NYAP2: variants seen among roughly 807,000 people sequenced by gnomAD.
The protein encoded by NYAP2 is neuronal tyrosine-phosphorylated phosphoinositide-3-kinase adapter 2.
NYAP2 carries 23 observed loss-of-function variants against 50.4 expected under a neutral mutation model. That is an observed-to-expected ratio of 0.46 (90% CI 0.33 to 0.65). The LOEUF is 0.65. Ranked by LOEUF, NYAP2 falls within the 30% of genes least tolerant of loss-of-function variation. The pLI, the probability that NYAP2 is intolerant of heterozygous loss-of-function variation, is 0.02. For synonymous variants in NYAP2, 394 were observed against 365.2 expected (o/e 1.08, Z -0.90); for missense variants, 885 against 861.0 (o/e 1.03, Z -0.35).
At chr2:225,537,326 G>T (rs1691369382) in intron 4 of NYAP2, among the ~76,000 whole-genome samples, 2 of 151,748 alleles carry the variant, frequency 1.3e-5, no homozygotes, top group Non-Finnish European at 2.9e-5. Context: ...TTTTATGTCT[G>T]TGTATTAGTC....
chr2:225,687,273 T>C, the NYAP2 span, among the ~76,000 whole-genome samples: 6 of 152,176 alleles, frequency 3.9e-5, no homozygotes, highest in African/African-American at 1.2e-4. Flanking sequence ...CCAGGGCTCA[T>C]AGAGTGCCTG....
chr2:225,460,393 T>C (rs1689810456), intron 3 of NYAP2, among the ~76,000 whole-genome samples: 1 of 152,228 alleles, frequency 6.6e-6, no homozygotes, highest in Non-Finnish European at 1.5e-5. Flanking sequence ...ATTTGTCAGA[T>C]TTCATTAGAA....
intron 4 of NYAP2, among the ~76,000 whole-genome samples, chr2:225,550,194 C>A (rs185887813): frequency 2.6e-5 from 4 of 152,152 alleles, no homozygotes; most frequent in African/African-American, 9.7e-5. Flanking sequence ...AAACATTTCT[C>A]ATCAGTAAAT....
chr2:225,541,933 T>G (rs1339670020), intron 4 of NYAP2, among the ~76,000 whole-genome samples: 1 of 152,182 alleles, frequency 6.6e-6, no homozygotes, highest in Non-Finnish European at 1.5e-5. Flanking sequence ...TGGAATATTT[T>G]TCAATTTTTG....
chr2:225,647,110 A>T (rs1377164511), intron 6 of NYAP2, among the ~76,000 whole-genome samples: 1 of 152,128 alleles, frequency 6.6e-6, no homozygotes, highest in Non-Finnish European at 1.5e-5. Flanking sequence ...AACTGGAAAA[A>T]ATCTCTATAG....
At chr2:225,691,968 C>A in the NYAP2 span, among the ~76,000 whole-genome samples, 1 of 152,112 alleles carries the variant, frequency 6.6e-6, no homozygotes, top group African/African-American at 2.4e-5. Context: ...ACAGGACTGA[C>A]AATGTTGCCC....
intron 3 of NYAP2, among the ~76,000 whole-genome samples, chr2:225,421,738 G>C (rs1695218090): frequency 1.3e-5 from 2 of 152,216 alleles, no homozygotes; most frequent in Admixed American, 1.3e-4. Flanking sequence ...GAAGCAAAGG[G>C]TTAAGAGATG....
In NYAP2 at chr2:225,582,505, T is replaced by G. The variant is rs1470176444; in HGVS notation, c.1088T>G (p.Leu363Arg). 7.0e-7 allele frequency: 1 copy of G among 1,430,438 alleles called. No homozygotes were observed. Among genetic ancestry groups the G allele is most frequent in the Admixed American group, 2.1e-5 (1 of 48,632 alleles). 88.6% of individuals were successfully genotyped at this position (1,430,438 alleles called of 1,614,324 possible). Reference sequence around the variant, plus strand: ...CTTACCCCTCTGGAGGTCACGAAGCTTCCCGTGCTGGAAAACGTGTCTTAC... The same window carrying G: ...CTTACCCCTCTGGAGGTCACGAAGCGTCCCGTGCTGGAAAACGTGTCTTAC... Residue 363 changes from leucine to arginine, a missense_variant, in exon 5 of 7, where the codon CTT becomes CGT. Leu to Arg is a moderately radical substitution (Grantham distance 102). Transcript: ENST00000636099. The surrounding 1 kb of genome is among the most constrained non-coding windows in gnomAD (Gnocchi z 7.0).
chr2:225,406,028 T>C (rs1694934513), intron 2 of NYAP2, among the ~76,000 whole-genome samples: 1 of 152,048 alleles, frequency 6.6e-6, no homozygotes, highest in Non-Finnish European at 1.5e-5. Flanking sequence ...TGTTAGTGAC[T>C]ATTAATTATA....
chr2:225,399,482 A>G (rs1264603447), upstream of NYAP2, among the ~76,000 whole-genome samples: 2 of 152,098 alleles, frequency 1.3e-5, no homozygotes, highest in African/African-American at 2.4e-5. Flanking sequence ...CAATGAGTCT[A>G]TAGGAATTAA....
At chr2:225,654,097 G>C (rs1693785254), downstream of NYAP2, 1 of 151,796 alleles carries the variant, frequency 6.6e-6, no homozygotes, top group Non-Finnish European at 1.5e-5. Flanking sequence ...CTCAACCATA[G>C]TCTTGACTAA....
chr2:225,667,558 C>T, the NYAP2 span, among the ~76,000 whole-genome samples: 18 of 152,222 alleles, frequency 1.2e-4, no homozygotes, highest in African/African-American at 3.9e-4. Context: ...AGCTGATTCA[C>T]GTAGAAAGTC....
intron 3 of NYAP2, among the ~76,000 whole-genome samples, chr2:225,458,089 G>C (rs1162932433): frequency 6.6e-6 from 1 of 151,974 alleles, no homozygotes; most frequent in African/African-American, 2.4e-5. Flanking sequence ...CAGTACAAAA[G>C]AGATTCATTT....
chr2:225,570,197 T>C (rs1692041412), intron 4 of NYAP2, among the ~76,000 whole-genome samples: 1 of 152,174 alleles, frequency 6.6e-6, no homozygotes, highest in Non-Finnish European at 1.5e-5. Context: ...GCTGCCTGCC[T>C]GGATAGAATG....
chr2:225,412,803 A>G (rs1006330912), intron 3 of NYAP2, among the ~76,000 whole-genome samples: 3 of 152,134 alleles, frequency 2.0e-5, no homozygotes, highest in Admixed American at 2.0e-4. Context: ...AAGTAAACCA[A>G]GATGGAAGCC....
At chr2:225,421,300 T>C (rs1695211044) in intron 3 of NYAP2, among the ~76,000 whole-genome samples, 1 of 152,228 alleles carries the variant, frequency 6.6e-6, no homozygotes, top group Admixed American at 6.5e-5. Context: ...ATACACAATT[T>C]AAATAGTATT....
At chr2:225,528,094 A>G (rs1343743211) in intron 4 of NYAP2, among the ~76,000 whole-genome samples, 1 of 152,180 alleles carries the variant, frequency 6.6e-6, no homozygotes, top group Non-Finnish European at 1.5e-5. Context: ...ACTCAATGAG[A>G]GAGAATTATA....
At chr2:225,419,853 T>C (rs908606351) in intron 3 of NYAP2, among the ~76,000 whole-genome samples, 1 of 152,148 alleles carries the variant, frequency 6.6e-6, no homozygotes, top group African/African-American at 2.4e-5. Flanking sequence ...CAGGGGAAGA[T>C]TGTTTGCTTT....
chr2:225,455,784 T>C (rs1350406678), intron 3 of NYAP2, among the ~76,000 whole-genome samples: 1 of 152,256 alleles, frequency 6.6e-6, no homozygotes, highest in African/African-American at 2.4e-5. Context: ...CCATACTTTA[T>C]GACTGCTGGA....
Sources: allele counts gnomAD v4.1 joint callset (sites outside exome capture counted in the v4.1 genomes callset), GRCh38; gene constraint gnomAD v4.1.1; non-coding constraint Gnocchi (gnomAD v3.1); transcripts MANE v1.5; gene names NCBI Gene and HGNC (gene_info 2026-07-23, HGNC 2026-07-21).